THSD4: variants seen among roughly 807,000 people sequenced by gnomAD.
The protein encoded by THSD4 is thrombospondin type 1 domain containing 4.
Under a neutral mutation model 119.0 loss-of-function variants are expected in THSD4, and 69 were observed. That is an observed-to-expected ratio of 0.58 (90% CI 0.48 to 0.71). The LOEUF is 0.71. Among genes scored for constraint, THSD4 ranks in the 30% least tolerant of loss-of-function variants. THSD4 has a pLI of 0.00. For missense variants in THSD4, 1,393 were observed against 1,391.1 expected (o/e 1.00, Z -0.02); for synonymous variants, 524 against 540.4 (o/e 0.97, Z 0.42).
intron 6 of THSD4, among the ~76,000 whole-genome samples, chr15:71,405,510 G>A (rs1377805535): frequency 6.6e-6 from 1 of 152,084 alleles, no homozygotes; most frequent in East Asian, 1.9e-4. Context: ...TAAATGTAAG[G>A]GTTTATATCT....
chr15:71,387,204 G>A (rs8028898), intron 6 of THSD4, among the ~76,000 whole-genome samples: 27,408 of 148,900 alleles, frequency 0.18, 2,619 homozygotes, highest in Admixed American at 0.24. Flanking sequence ...ACTCATTAAC[G>A]TTAAAAAAAA....
At chr15:71,532,829 GAGA>G (rs1446284264) in intron 7 of THSD4, among the ~76,000 whole-genome samples, 6 of 152,164 alleles carry the variant, frequency 3.9e-5, no homozygotes, top group Non-Finnish European at 8.8e-5. Context: ...AATAAGATTA[GAGA>G]AGGAGTGTGT....
Position 71,746,874 on chromosome 15 carries a change from C to G in THSD4, c.2073C>G (p.Thr691=), listed in dbSNP as rs752675534. 120 of 1,614,012 alleles carry G rather than the reference C, an allele frequency of 7.4e-5. No homozygotes were observed. The highest frequency in any genetic ancestry group is 9.6e-5 in the Non-Finnish European group (113 of 1,180,046). Reference sequence around the variant, plus strand: ...GGGAGTGGTCTGAGTGCAGCAAGACCTGTGGCCTGGGCATGCAGCACCGCC... The same window carrying G: ...GGGAGTGGTCTGAGTGCAGCAAGACGTGTGGCCTGGGCATGCAGCACCGCC... ...DIGEWSECSK[T]CGLGMQHRQV... The change falls in exon 13 of 18, where the codon ACC becomes ACG. Residue 691 remains threonine, a synonymous_variant. Transcript: ENST00000261862.
intron 7 of THSD4, among the ~76,000 whole-genome samples, chr15:71,450,046 A>G (rs893247491): frequency 5.3e-5 from 8 of 152,246 alleles, no homozygotes; most frequent in Non-Finnish European, 1.2e-4. Flanking sequence ...ACGGATGGCC[A>G]TAGGAGTTGT....
chr15:71,707,627 A>T (rs1309386503), intron 8 of THSD4, among the ~76,000 whole-genome samples: 1 of 151,886 alleles, frequency 6.6e-6, no homozygotes, highest in African/African-American at 2.4e-5. Context: ...CCCCTTGGGG[A>T]TTTATTTCTT....
At position 71,152,832 on chromosome 15, in the gene THSD4, C is replaced by A. The variant is rs377175801; in HGVS notation, c.30-2031C>A. ...GTGCAGGCTGTGCAAATCTGGCTGA[C>A]TCCTTAAGATCCACCTCCGCACCCC... On this transcript the variant is annotated intron_variant, in intron 2 of 17. Transcript: ENST00000261862. 9.9e-5 allele frequency among the ~76,000 whole-genome samples: 15 copies of A among 152,256 alleles called. No homozygotes were observed. In the East Asian group the frequency reaches 2.7e-3, roughly 27 times the overall value.
intron 5 of THSD4, among the ~76,000 whole-genome samples, 176 bp from the exon 6 acceptor site, chr15:71,256,437 T>C (rs4777349): frequency 0.35 from 52,419 of 148,854 alleles, 9,632 homozygotes; most frequent in Middle Eastern, 0.45. Context: ...ATTGGGCCAC[T>C]GCACTCCAGC....
intron 17 of THSD4, among the ~76,000 whole-genome samples, chr15:71,771,461 CA>C (rs1328703332): frequency 6.6e-6 from 1 of 152,142 alleles, no homozygotes; most frequent in Non-Finnish European, 1.5e-5. Flanking sequence ...GTAATGCCTT[CA>C]AAGATTTGGC....
rs1294155805 is a variant in THSD4, at chr15:71,411,797, G to A, written c.1126G>A (p.Ala376Thr). Reference sequence around the variant, plus strand: ...CACCCCCTGTGACCAGAACGGCACGGCCATCTGTGTGTCTGGGCAGTGCAA... The same window carrying A: ...CACCCCCTGTGACCAGAACGGCACGACCATCTGTGTGTCTGGGCAGTGCAA... ...DGTPCDQNGT[A>T]ICVSGQCKSI... The change falls in exon 7 of 18, where the codon GCC becomes ACC. Residue 376 changes from alanine (A) to threonine (T), a missense_variant. Coordinates refer to ENST00000261862, the MANE Select transcript of THSD4 (RefSeq NM_024817.3). 1.9e-6 allele frequency: 3 copies of A among 1,614,060 alleles called. No homozygotes were observed. The highest frequency in any genetic ancestry group is 1.7e-6 in the Non-Finnish European group (2 of 1,179,978).
chr15:71,099,314 C>T (rs1232888280), intron 1 of THSD4, among the ~76,000 whole-genome samples: 1 of 152,196 alleles, frequency 6.6e-6, no homozygotes, highest in Non-Finnish European at 1.5e-5. Context: ...CTCAGTTCTT[C>T]AATGTCTTTG....
At chr15:71,189,832 T>C (rs2043652421) in intron 3 of THSD4, among the ~76,000 whole-genome samples, 1 of 152,198 alleles carries the variant, frequency 6.6e-6, no homozygotes, top group Admixed American at 6.5e-5. Context: ...ATTCTGGGCT[T>C]CCACCCCTTG....
chr15:71,562,021 A>G (rs185095886), intron 7 of THSD4, among the ~76,000 whole-genome samples: 123 of 152,302 alleles, frequency 8.1e-4, no homozygotes, highest in African/African-American at 2.5e-3. Context: ...CTCAGAGATA[A>G]TCTAGTCTAA....
chr15:71,198,353 C>T (rs2043738016), intron 3 of THSD4, among the ~76,000 whole-genome samples: 2 of 152,246 alleles, frequency 1.3e-5, no homozygotes, highest in Admixed American at 6.5e-5. Context: ...GTTCCTGAGG[C>T]TGGCACAGAA....
chr15:71,590,285 G>A lies in THSD4; in HGVS notation c.1153-70245G>A, dbSNP rs1457307589. Among the ~76,000 whole-genome samples the A allele has an allele frequency of 4.3e-5, 6 of 138,574 alleles. 2 individuals are homozygous for A. Among genetic ancestry groups the A allele is most frequent in the Non-Finnish European group, 8.2e-5 (5 of 60,992 alleles). The allele number at this position is 138,574 out of a possible 152,430, so 90.9% of individuals were successfully genotyped here. On this transcript the variant is annotated intron_variant, in intron 7 of 17. Transcript: ENST00000261862. ...AGAATGGCATGAGCCAGTGCTGGAC[G>A]AAGACTGATTTGGCAGCTTGTAATA...
At position 71,454,209 on chromosome 15, in the gene THSD4, A is replaced by G. The variant is rs539463464; in HGVS notation, c.1152+42386A>G. 7.2e-5 allele frequency among the ~76,000 whole-genome samples: 11 copies of G among 152,342 alleles called. No individual in the cohort carries two copies. In the East Asian group the frequency reaches 1.9e-3, roughly 27 times the overall value. On this transcript the variant is annotated intron_variant, in intron 7 of 17. Coordinates refer to ENST00000261862, the MANE Select transcript of THSD4 (RefSeq NM_024817.3). Reference sequence around the variant, plus strand: ...GAGGTGGAGGTTGCAGTGAGCAGAGATAGCACCACTGCACTCCAGCCTAGG... The same window carrying G: ...GAGGTGGAGGTTGCAGTGAGCAGAGGTAGCACCACTGCACTCCAGCCTAGG...
At chr15:71,165,335 C>G in intron 3 of THSD4, 1 of 1,564,796 alleles carries the variant, frequency 6.4e-7, no homozygotes, top group Non-Finnish European at 8.7e-7. Context: ...GGTGCTTCTT[C>G]TTATGCTCCT....
intron 4 of THSD4, among the ~76,000 whole-genome samples, chr15:71,235,483 A>C (rs1010155624): frequency 3.3e-5 from 5 of 151,886 alleles, no homozygotes; most frequent in African/African-American, 4.8e-5. Flanking sequence ...ATAGGCTTTC[A>C]TCTCATGAGC....
At chr15:71,172,702 T>TAC (rs1567145361) in intron 3 of THSD4, among the ~76,000 whole-genome samples, 1 of 103,070 alleles carries the variant, frequency 9.7e-6, no homozygotes, top group African/African-American at 5.0e-5. Context: ...TATATATATA[T>TAC]ATATATATAT....
chr15:71,424,844 T>A (rs1437928400), intron 7 of THSD4, among the ~76,000 whole-genome samples: 1 of 152,142 alleles, frequency 6.6e-6, no homozygotes, highest in African/African-American at 2.4e-5. Context: ...TAAAAATAGA[T>A]GAAACTTTGC....
Sources: allele counts gnomAD v4.1 joint callset (sites outside exome capture counted in the v4.1 genomes callset), GRCh38; gene constraint gnomAD v4.1.1; transcripts MANE v1.5; gene names NCBI Gene and HGNC (gene_info 2026-07-23, HGNC 2026-07-21).